The following RAB39A variants were observed in gnomAD, a reference collection of about 807,000 sequenced individuals.
RAB39A encodes the protein ras-related protein Rab-39A.
A neutral mutation model predicts 20.9 loss-of-function variants in RAB39A; 17 were observed. That is an observed-to-expected ratio of 0.81 (90% confidence interval 0.56 to 1.22). The LOEUF (loss-of-function observed/expected upper bound fraction) is 1.22, where lower values mean the gene tolerates loss of function less well. Ranked by LOEUF, RAB39A falls within the 50% of genes most tolerant of loss-of-function variation. The pLI, the probability that RAB39A is intolerant of heterozygous loss-of-function variation, is 0.00. For synonymous variants in RAB39A, 99 were observed against 103.4 expected (o/e 0.96, Z 0.26); for missense variants, 234 against 270.5 (o/e 0.87, Z 0.95).
chr11:107,953,133 A>C (rs1801057506), intron 1 of RAB39A, among the ~76,000 whole-genome samples: 2 of 152,204 alleles, frequency 1.3e-5, no homozygotes, highest in Non-Finnish European at 2.9e-5. Context: ...TGTACACTTC[A>C]CTGTACACTT....
At chr11:107,959,650 T>A (rs1386128161) in intron 1 of RAB39A, among the ~76,000 whole-genome samples, 1 of 151,842 alleles carries the variant, frequency 6.6e-6, no homozygotes, top group Non-Finnish European at 1.5e-5. Flanking sequence ...GCAGGAGAAA[T>A]AGAAAGAAAG....
intron 1 of RAB39A, among the ~76,000 whole-genome samples, chr11:107,954,683 A>G (rs1861415568): frequency 6.6e-6 from 1 of 152,134 alleles, no homozygotes; most frequent in South Asian, 2.1e-4. Flanking sequence ...TTCCTCTGTA[A>G]TTATAGGGAA....
intron 1 of RAB39A, among the ~76,000 whole-genome samples, chr11:107,942,098 C>CAAAAAAA (rs10537482): frequency 1.4e-4 from 12 of 83,758 alleles, no homozygotes; most frequent in African/African-American, 5.5e-4. Context: ...GATTCCATCT[C>CAAAAAAA]AAAAAAAAAA....
intron 1 of RAB39A, among the ~76,000 whole-genome samples, chr11:107,934,275 A>G (rs577554507): frequency 6.6e-6 from 1 of 151,986 alleles, no homozygotes; most frequent in Admixed American, 6.6e-5. Flanking sequence ...CCAAAAAAAA[A>G]TTTTTTTAAT....
chr11:107,942,226 AAG>A (rs1861267844), intron 1 of RAB39A, among the ~76,000 whole-genome samples: 1 of 152,108 alleles, frequency 6.6e-6, no homozygotes, highest in African/African-American at 2.4e-5. Context: ...AGAGAAGAAA[AAG>A]AGTAAGAGGT....
rs1232101094 is a variant in RAB39A at position 107,939,230 on chromosome 11, C to T, written c.227+10435C>T. Among the ~76,000 whole-genome samples the T allele has an allele frequency of 8.1e-5, 10 of 122,958 alleles. No homozygotes were observed. The East Asian group carries it at 1.8e-3, about 22-fold the overall frequency. The allele number at this position is 122,958 out of a possible 152,430, so 80.7% of individuals were successfully genotyped here. A position where few individuals can be genotyped will look rare whatever the true frequency, so the allele number is the denominator to read the frequency against. On this transcript the variant is annotated intron_variant, in intron 1 of 1. Transcript: ENST00000320578. ...CTGCACTCCAGCCTGGGCGGCAAAGCGAGACTCTGTCTCAAAAAAAAAAAA... is the reference window on the plus strand; with the variant it reads ...CTGCACTCCAGCCTGGGCGGCAAAGTGAGACTCTGTCTCAAAAAAAAAAAA...
chr11:107,937,126 C>G (rs1861202181), intron 1 of RAB39A, among the ~76,000 whole-genome samples: 1 of 151,922 alleles, frequency 6.6e-6, no homozygotes, highest in Non-Finnish European at 1.5e-5. Context: ...AGAAATCTAG[C>G]CAAATTCATT....
intron 1 of RAB39A, among the ~76,000 whole-genome samples, chr11:107,958,892 G>T (rs1861466706): frequency 6.6e-6 from 1 of 152,094 alleles, no homozygotes; most frequent in Admixed American, 6.6e-5. Context: ...GGCCAAGGTG[G>T]GTGGATCACC....
chr11:107,956,351 C>T (rs1426068420), intron 1 of RAB39A, among the ~76,000 whole-genome samples: 1 of 152,180 alleles, frequency 6.6e-6, no homozygotes, highest in African/African-American at 2.4e-5. Context: ...CAACAGTGAG[C>T]AGTATTGACA....
intron 1 of RAB39A, among the ~76,000 whole-genome samples, chr11:107,955,486 C>G (rs1428993148): frequency 1.3e-5 from 2 of 152,136 alleles, no homozygotes; most frequent in African/African-American, 4.8e-5. Context: ...TCAGCTCTAT[C>G]AAAGCTAGCA....
At position 107,962,398 on chromosome 11, in the gene RAB39A, GGAACAGA is replaced by G; in HGVS notation, c.*27_*33del. On this transcript the variant is annotated 3_prime_UTR_variant, in exon 2 of 2. Coordinates refer to ENST00000320578, the MANE Select transcript of RAB39A (RefSeq NM_017516.3). Reference sequence around the variant, plus strand: ...CTTCAAACATGCTGAAGAACTAACAGGAACAGATTGGGTGTCAGTTCAGGATAAATAC... The same window carrying G: ...CTTCAAACATGCTGAAGAACTAACAGTTGGGTGTCAGTTCAGGATAAATAC... 1 of 1,559,290 alleles carries G rather than the reference GGAACAGA, an allele frequency of 6.4e-7. No individual in the cohort carries two copies. The highest frequency in any genetic ancestry group is 8.7e-7 in the Non-Finnish European group (1 of 1,148,416).
chr11:107,947,981 T>TACACACACAC (rs58579239), intron 1 of RAB39A, among the ~76,000 whole-genome samples: 4 of 148,668 alleles, frequency 2.7e-5, no homozygotes, highest in African/African-American at 5.0e-5. Flanking sequence ...TACACACACG[T>TACACACACAC]ACACACACAC....
At chr11:107,960,985 G>A (rs1861490690) in intron 1 of RAB39A, among the ~76,000 whole-genome samples, 1 of 152,180 alleles carries the variant, frequency 6.6e-6, no homozygotes, top group Non-Finnish European at 1.5e-5. Flanking sequence ...CCTAGAGAAG[G>A]ATGGAGACTA....
chr11:107,936,409 C>T (rs1009659751), intron 1 of RAB39A, among the ~76,000 whole-genome samples: 20 of 91,620 alleles, frequency 2.2e-4, no homozygotes, highest in African/African-American at 5.7e-4. Context: ...TCCCTTATCC[C>T]ACTGGCTTAT....
chr11:107,954,109 T>C (rs963619), intron 1 of RAB39A, among the ~76,000 whole-genome samples: 73,509 of 152,010 alleles, frequency 0.48, 19,155 homozygotes, highest in East Asian at 0.72. Flanking sequence ...TGAGGACATA[T>C]CTGTGTCCCC....
chr11:107,961,956 C>A lies in RAB39A; in HGVS notation c.238C>A (p.Arg80=). 1 of 1,608,696 alleles carries A rather than the reference C, an allele frequency of 6.2e-7. No individual in the cohort carries two copies. The highest frequency in any genetic ancestry group is 1.1e-5 in the South Asian group (1 of 90,536). ...CTCTTCATTTTTCAGATCAATAACC[C>A]GATCTTATTACCGCAACTCAGTTGG... ...AGQERFRSIT[R]SYYRNSVGGF... The change falls in exon 2 of 2, where the codon CGA becomes AGA. Residue 80 remains arginine, a synonymous_variant. Transcript: ENST00000320578.
chr11:107,928,886 G>C lies in RAB39A; in HGVS notation c.227+91G>C, dbSNP rs1861110266. On this transcript the variant is annotated intron_variant, in intron 1 of 1. Transcript: ENST00000320578. The surrounding 1 kb of genome is among the most constrained non-coding windows in gnomAD (Gnocchi z 4.9). ...GGCGTCCGCCCCGCCGGCCCTGGTC[G>C]GGAGAGGCTCTGGCCCTTCCCTCTC... 3 of 1,094,572 alleles carry C rather than the reference G, an allele frequency of 2.7e-6. No individual in the cohort carries two copies. The highest frequency in any genetic ancestry group is 2.8e-5 in the Admixed American group (1 of 36,182). 67.8% of individuals were successfully genotyped at this position (1,094,572 alleles called of 1,614,324 possible). A position where few individuals can be genotyped will look rare whatever the true frequency, so the allele number is the denominator to read the frequency against.
At chr11:107,946,471 T>A (rs1446992016) in intron 1 of RAB39A, among the ~76,000 whole-genome samples, 28 of 75,316 alleles carry the variant, frequency 3.7e-4, no homozygotes, top group Non-Finnish European at 6.1e-4. Flanking sequence ...TTTTTTTTTT[T>A]TTTTTTTTTT....
intron 1 of RAB39A, among the ~76,000 whole-genome samples, chr11:107,950,018 A>G (rs1345028085): frequency 1.3e-5 from 2 of 152,012 alleles, no homozygotes; most frequent in East Asian, 3.9e-4. Flanking sequence ...TAAAAATACA[A>G]AAACAAAAAA....
Sources: gnomAD v4.1 joint callset for allele counts (sites outside exome capture counted in the v4.1 genomes callset) on GRCh38, gnomAD v4.1.1 for gene constraint, Gnocchi (gnomAD v3.1) non-coding constraint, MANE v1.5 for transcripts, NCBI Gene and HGNC (gene_info 2026-07-23, HGNC 2026-07-21) for gene names.